The following SPTA1 variants were observed in gnomAD, a reference collection of about 807,000 sequenced individuals.
SPTA1 encodes spectrin alpha, erythrocytic 1, also known as spectrin alpha chain, erythrocytic 1.
A neutral mutation model predicts 324.7 loss-of-function variants in SPTA1; 177 were observed. That is an observed-to-expected ratio of 0.55 (90% CI 0.48 to 0.62). SPTA1 has a LOEUF of 0.62. Among genes scored for constraint, SPTA1 ranks in the 20% least tolerant of loss-of-function variants. SPTA1 has a pLI of 0.00. For synonymous variants in SPTA1, 1,195 were observed against 1,041.3 expected, an observed-to-expected ratio of 1.15 and a Z score of -2.84; for missense variants, 3,162 against 2,883.6, an observed-to-expected ratio of 1.10 and a Z score of -2.21.
chr1:158,632,132 T>C (rs1162514418), intron 39 of SPTA1, among the ~76,000 whole-genome samples: 3 of 152,174 alleles, frequency 2.0e-5, no homozygotes, highest in Non-Finnish European at 4.4e-5. Flanking sequence ...AAGAAAGTTA[T>C]GCAACATTTA....
intron 43 of SPTA1, chr1:158,620,840 G>GAAAAAAA (rs200959019): frequency 2.8e-4 from 25 of 89,504 alleles, no homozygotes; most frequent in African/African-American, 4.1e-4. Context: ...TAGTAAACAT[G>GAAAAAAA]AAAAAAAAAA....
chr1:158,676,511 G>A (rs534013396), intron 7 of SPTA1, among the ~76,000 whole-genome samples: 4 of 152,172 alleles, frequency 2.6e-5, no homozygotes, highest in African/African-American at 9.6e-5. Context: ...TTACATGAAC[G>A]TTCTCATTTT....
At chr1:158,643,054 A>G (rs1292484013) in intron 31 of SPTA1, 78 bp from the exon 32 acceptor site, 11 of 1,571,848 alleles carry the variant, frequency 7.0e-6, no homozygotes, top group Non-Finnish European at 7.8e-6. Flanking sequence ...AAATCTTCCC[A>G]TTTGCCAACA....
At chr1:158,626,655 T>C (rs186334834) in intron 41 of SPTA1, among the ~76,000 whole-genome samples, 184 bp downstream of exon 41, 3 of 148,566 alleles carry the variant, frequency 2.0e-5, no homozygotes, top group African/African-American at 7.9e-5. Context: ...TTTGTGTGTG[T>C]GTGTTTATGT....
At chr1:158,639,713 G>C in intron 34 of SPTA1, 27 bp from the exon 35 acceptor site, 1 of 1,613,340 alleles carries the variant, frequency 6.2e-7, no homozygotes, top group Non-Finnish European at 8.5e-7. Flanking sequence ...AAGCAATAAA[G>C]CTGCCAGGTG....
intron 38 of SPTA1, among the ~76,000 whole-genome samples, chr1:158,635,273 T>C (rs1650985055): frequency 6.6e-6 from 1 of 152,070 alleles, no homozygotes. Context: ...GTGAGTGAGT[T>C]CTTGCAAGAT....
rs1652420421 is a variant in SPTA1 at position 158,651,408 on chromosome 1, A to G, written c.3436T>C (p.Phe1146Leu). Reference protein sequence around the residue: ...DINKVADDLLFEGLLTPEGAQ... With the variant: ...DINKVADDLLLEGLLTPEGAQ... ...CCTTCTGGTGTTAGAAGTCCTTCAAATAGTAGATCATCAGCTACCTTGTTG... is the reference window on the plus strand; with the variant it reads ...CCTTCTGGTGTTAGAAGTCCTTCAAGTAGTAGATCATCAGCTACCTTGTTG... The change falls in exon 24 of 52, where the codon TTT becomes CTT. Residue 1146 changes from phenylalanine to leucine, a missense_variant. Physicochemically the swap from Phe to Leu is conservative, Grantham distance 22. Transcript: ENST00000643759. The G allele has an allele frequency of 6.2e-7, 1 of 1,613,888 alleles. No homozygotes were observed. Among genetic ancestry groups the G allele is most frequent in the African/African-American group, 1.3e-5 (1 of 74,920 alleles).
At chr1:158,637,884 C>A (rs1035803260) in intron 36 of SPTA1, 149 bp downstream of exon 36, 8 of 993,742 alleles carry the variant, frequency 8.1e-6, no homozygotes, top group Admixed American at 5.3e-5. Context: ...AAAAATAAAA[C>A]CAATGTTAAC....
rs771761220 is a variant in SPTA1, at chr1:158,666,287, T to C, written c.2220+29A>G. 4.3e-6 allele frequency: 7 copies of C among 1,612,356 alleles called. No individual in the cohort carries two copies. In the South Asian group the frequency reaches 7.7e-5, roughly 18 times the overall value. On this transcript the variant is annotated intron_variant, in intron 16 of 51. Coordinates refer to ENST00000643759, the MANE Select transcript of SPTA1 (RefSeq NM_003126.4). ...GCTCAGAGCATATACACCCATTGCT[T>C]ATGGCTGGCCAAAGAGCTAACAACA...
Position 158,620,235 on chromosome 1 carries a change from G to A in SPTA1, c.6352C>T (p.Pro2118Ser). 3.1e-6 allele frequency: 5 copies of A among 1,614,048 alleles called. No individual in the cohort carries two copies. The highest frequency in any genetic ancestry group is 4.2e-6 in the Non-Finnish European group (5 of 1,179,996). ...QIKALGVPSS[P>S]YTWLTVEVLE... ...ACCTCCACTGTTAACCAGGTATAAG[G>A]GCTGGAAGGCACACCTAAGGCCTTA... Residue 2118 changes from proline to serine, a missense_variant, in exon 44 of 52, where the codon CCT becomes TCT. Transcript: ENST00000643759.
intron 42 of SPTA1, among the ~76,000 whole-genome samples, chr1:158,624,444 A>G (rs1650134270): frequency 6.6e-6 from 1 of 152,224 alleles, no homozygotes; most frequent in Non-Finnish European, 1.5e-5. Context: ...TGGAGTCAAA[A>G]GAGATCATTT....
intron 36 of SPTA1, among the ~76,000 whole-genome samples, chr1:158,636,977 C>T (rs566708318): frequency 1.3e-5 from 2 of 152,322 alleles, no homozygotes; most frequent in Non-Finnish European, 2.9e-5. Context: ...ACATACTGAT[C>T]TCCACCATAG....
At position 158,613,672 on chromosome 1, in the gene SPTA1, C is replaced by T. The variant is rs1367694620; in HGVS notation, c.6989+49G>A. On this transcript the variant is annotated intron_variant, in intron 50 of 51. Transcript: ENST00000643759. Reference sequence around the variant, plus strand: ...ATCATTTTACTCTCTGTGCTTCTCCCTCCAAACCCCCATCCCTGCTGCGGT... The same window carrying T: ...ATCATTTTACTCTCTGTGCTTCTCCTTCCAAACCCCCATCCCTGCTGCGGT... 3 of 1,612,432 alleles carry T rather than the reference C, an allele frequency of 1.9e-6. 1 individual carries two copies. The African/African-American group carries it at 4.0e-5, about 22-fold the overall frequency.
intron 35 of SPTA1, 101 bp downstream of exon 35, chr1:158,639,481 T>C: frequency 8.0e-7 from 1 of 1,248,212 alleles, no homozygotes; most frequent in South Asian, 1.2e-5. Flanking sequence ...TAAGAACAAT[T>C]TTGCAAGGCT....
At chr1:158,629,456 C>T (rs1168344144) in intron 39 of SPTA1, among the ~76,000 whole-genome samples, 1 of 151,574 alleles carries the variant, frequency 6.6e-6, no homozygotes, top group Admixed American at 6.6e-5. Flanking sequence ...TCAATAGATT[C>T]TGAAAAAAAA....
At chr1:158,638,401 T>A (rs1651257298) in intron 35 of SPTA1, among the ~76,000 whole-genome samples, 160 bp from the exon 36 acceptor site, 1 of 152,304 alleles carries the variant, frequency 6.6e-6, no homozygotes, top group South Asian at 2.1e-4. Flanking sequence ...TATGTTCAGG[T>A]TGGAGAAGGG....
rs1295048119 is a variant in SPTA1, at chr1:158,618,041, A to T, written c.6546T>A (p.Asp2182Glu). ...TGATGATAACATAAAATACTGACCC[A>T]TCCAGAAAGTAAGCCCTGGACATGG... is the stretch of plus-strand genomic sequence containing the variant. ...WILETRAYFLDGSLLKETGTL... is the reference protein window; with the variant it reads ...WILETRAYFLEGSLLKETGTL... Residue 2182 changes from aspartate (D) to glutamate (E), a missense_variant and splice_region_variant, in exon 46 of 52, where the codon GAT becomes GAA. Transcript: ENST00000643759. 6.2e-7 allele frequency: 1 copy of T among 1,611,500 alleles called. No individual in the cohort carries two copies. Among genetic ancestry groups the T allele is most frequent in the African/African-American group, 1.3e-5 (1 of 74,886 alleles).
Position 158,620,318 on chromosome 1 carries a change from G to C in SPTA1, c.6269C>G (p.Ala2090Gly). Residue 2090 changes from alanine to glycine, a missense_variant, in exon 44 of 52, where the codon GCC becomes GGC. Ala to Gly is a moderately conservative substitution (Grantham distance 60). Coordinates refer to ENST00000643759, the MANE Select transcript of SPTA1 (RefSeq NM_003126.4). Reference sequence around the variant, plus strand: ...GTCTGCTTGAGCCCTAGCCAGGGAGGCCAAGAAGTCCTCATGGTCTTTCTG... The same window carrying C: ...GTCTGCTTGAGCCCTAGCCAGGGAGCCCAAGAAGTCCTCATGGTCTTTCTG... ...QLQKDHEDFL[A>G]SLARAQADFK... is the part of the protein sequence containing the mutation. The C allele has an allele frequency of 6.2e-7, 1 of 1,614,080 alleles. No individual in the cohort carries two copies. Among genetic ancestry groups the C allele is most frequent in the Non-Finnish European group, 8.5e-7 (1 of 1,180,036 alleles).
chr1:158,636,326 C>T (rs1397830042), intron 37 of SPTA1, among the ~76,000 whole-genome samples: 5 of 152,082 alleles, frequency 3.3e-5, no homozygotes, highest in African/African-American at 1.2e-4. Context: ...CAAGTCAGAC[C>T]CAGAGTTGCC....
Sources: allele counts gnomAD v4.1 joint callset (sites outside exome capture counted in the v4.1 genomes callset), GRCh38; gene constraint gnomAD v4.1.1; transcripts MANE v1.5; gene names NCBI Gene and HGNC (gene_info 2026-07-23, HGNC 2026-07-21).